The following AUTS2 variants were observed in gnomAD, a reference collection of about 807,000 sequenced individuals.
AUTS2 encodes activator of transcription and developmental regulator AUTS2.
A neutral mutation model predicts 112.4 loss-of-function variants in AUTS2; 17 were observed. That is an observed-to-expected ratio of 0.15 (90% CI 0.10 to 0.23). AUTS2 has a LOEUF of 0.23. AUTS2 is among the 10% of genes least tolerant of loss of function. The pLI, the probability that AUTS2 is intolerant of heterozygous loss-of-function variation, is 1.00. For synonymous variants in AUTS2, 751 were observed against 702.7 expected (o/e 1.07, Z -1.09); for missense variants, 1,510 against 1,701.6 (o/e 0.89, Z 1.98).
At chr7:70,677,441 C>T (rs1267591858) in intron 5 of AUTS2, among the ~76,000 whole-genome samples, 1 of 152,140 alleles carries the variant, frequency 6.6e-6, no homozygotes, top group African/African-American at 2.4e-5. Flanking sequence ...CTGATGTTAA[C>T]CAGTTCCCCA....
intron 5 of AUTS2, among the ~76,000 whole-genome samples, chr7:70,477,176 A>G (rs2116068288): frequency 6.6e-6 from 1 of 152,276 alleles, no homozygotes; most frequent in East Asian, 1.9e-4. Context: ...TGTGGAAAAC[A>G]TTCCTTTCAA....
chr7:69,686,833 T>G (rs1283518722), intron 1 of AUTS2, among the ~76,000 whole-genome samples: 1 of 152,208 alleles, frequency 6.6e-6, no homozygotes, highest in Non-Finnish European at 1.5e-5. Context: ...CTTAACCCAC[T>G]TAGGTGGGAC....
chr7:70,776,251 A>C (rs1056180155), intron 13 of AUTS2, among the ~76,000 whole-genome samples: 13 of 152,206 alleles, frequency 8.5e-5, no homozygotes, highest in Non-Finnish European at 1.8e-4. Flanking sequence ...TCATCTGTCC[A>C]GTAGTCACTG....
rs1791956894 is a variant in AUTS2, at chr7:70,791,473, A to G, written c.*477A>G. ...CTTTACTTTGTACAAATGTAAATAG[A>G]TAAAGTAACATAATACATTAATACT... On this transcript the variant is annotated 3_prime_UTR_variant, in exon 19 of 19. Transcript: ENST00000342771. 1 of 153,174 alleles carries G rather than the reference A, an allele frequency of 6.5e-6. No individual in the cohort carries two copies. Among genetic ancestry groups the G allele is most frequent in the African/African-American group, 2.5e-5 (1 of 40,550 alleles). The allele number at this position is 153,174 out of a possible 1,614,324, so 9.5% of individuals were successfully genotyped here. A position where few individuals can be genotyped will look rare whatever the true frequency, so the allele number is the denominator to read the frequency against.
chr7:69,656,780 G>T (rs1795561194), intron 1 of AUTS2, among the ~76,000 whole-genome samples: 1 of 152,194 alleles, frequency 6.6e-6, no homozygotes, highest in Non-Finnish European at 1.5e-5. Context: ...TGTGGCTTCT[G>T]TGGGCATATG....
At chr7:69,792,240 T>C (rs549472093) in intron 1 of AUTS2, among the ~76,000 whole-genome samples, 1 of 142,670 alleles carries the variant, frequency 7.0e-6, no homozygotes, top group African/African-American at 2.6e-5. Context: ...TTGTTTTTTT[T>C]TTGTTTTGTT....
At chr7:70,110,803 A>G (rs1200176683) in intron 2 of AUTS2, among the ~76,000 whole-genome samples, 1 of 151,072 alleles carries the variant, frequency 6.6e-6, no homozygotes, top group East Asian at 2.0e-4. Flanking sequence ...GTCTAATTGC[A>G]TTAGAGTGAC....
At chr7:69,683,552 G>A (rs1796910851) in intron 1 of AUTS2, among the ~76,000 whole-genome samples, 1 of 149,494 alleles carries the variant, frequency 6.7e-6, no homozygotes, top group Non-Finnish European at 1.5e-5. Context: ...CAGCCTGTGT[G>A]ACAGAGCAAA....
intron 4 of AUTS2, among the ~76,000 whole-genome samples, chr7:70,152,860 A>G (rs1807519987): frequency 6.6e-6 from 1 of 152,162 alleles, no homozygotes; most frequent in Admixed American, 6.6e-5. Flanking sequence ...ATGACTGACT[A>G]CAGCAAGTGT....
intron 1 of AUTS2, among the ~76,000 whole-genome samples, chr7:69,605,649 T>G (rs1308196886): frequency 3.3e-5 from 5 of 152,242 alleles, no homozygotes; most frequent in Non-Finnish European, 5.9e-5. Context: ...TTGCTGTATA[T>G]GAAGTGGTAG....
intron 5 of AUTS2, among the ~76,000 whole-genome samples, chr7:70,482,350 T>A (rs931979369): frequency 6.6e-6 from 1 of 152,024 alleles, no homozygotes; most frequent in African/African-American, 2.4e-5. Flanking sequence ...CATCACACTT[T>A]GAAAAGGTGG....
At chr7:70,184,995 ACT>A (rs1177736016) in intron 4 of AUTS2, among the ~76,000 whole-genome samples, 1 of 152,184 alleles carries the variant, frequency 6.6e-6, no homozygotes, top group East Asian at 1.9e-4. Flanking sequence ...CTTTTGAAAT[ACT>A]GTTTGATACT....
intron 5 of AUTS2, among the ~76,000 whole-genome samples, chr7:70,663,169 C>T (rs941051917): frequency 4.6e-5 from 7 of 152,200 alleles, no homozygotes; most frequent in African/African-American, 9.6e-5. Context: ...CCGAGGCAGG[C>T]GGATCACTTG....
chr7:70,284,661 A>G (rs1400181162), intron 4 of AUTS2, among the ~76,000 whole-genome samples: 1 of 152,230 alleles, frequency 6.6e-6, no homozygotes, highest in African/African-American at 2.4e-5. Context: ...AAAGGTCTTA[A>G]TGAACTTCCA....
chr7:69,693,250 G>A (rs1025329516), intron 1 of AUTS2, among the ~76,000 whole-genome samples: 3 of 152,162 alleles, frequency 2.0e-5, no homozygotes, highest in Non-Finnish European at 2.9e-5. Flanking sequence ...ATCTGTCAGC[G>A]CCTGGTGTAT....
intron 10 of AUTS2, 95 bp downstream of exon 10, chr7:70,768,163 A>G: frequency 8.1e-7 from 1 of 1,229,724 alleles, no homozygotes; most frequent in South Asian, 1.5e-5. Flanking sequence ...GCCTTCCTTA[A>G]TCATCTTTGC....
intron 5 of AUTS2, among the ~76,000 whole-genome samples, chr7:70,656,668 G>A (rs1367455825): frequency 6.6e-6 from 1 of 152,224 alleles, no homozygotes; most frequent in Admixed American, 6.5e-5. Flanking sequence ...AGTTGGCACT[G>A]GAGCCTGGGC....
At chr7:70,769,186 AGAAAAG>A (rs1790155502) in intron 10 of AUTS2, among the ~76,000 whole-genome samples, 1 of 152,192 alleles carries the variant, frequency 6.6e-6, no homozygotes, top group African/African-American at 2.4e-5. Context: ...AAAAGAAGTT[AGAAAAG>A]TGTATTTGAG....
rs111477184 is a variant in AUTS2, at chr7:69,648,884, T to G, written c.309+48922T>G. On this transcript the variant is annotated intron_variant, in intron 1 of 18. Transcript: ENST00000342771. ...CTGTTACATAAATGTAAATAAATTATGCAGCACCTGAATTTGGTTGTTCAT... is the reference window on the plus strand; with the variant it reads ...CTGTTACATAAATGTAAATAAATTAGGCAGCACCTGAATTTGGTTGTTCAT... Among the ~76,000 whole-genome samples the G allele has an allele frequency of 5.5e-3, 839 of 152,334 alleles. 8 individuals carry two copies. Among genetic ancestry groups the G allele is most frequent in the Middle Eastern group, 0.014 (4 of 294 alleles).
Sources: allele counts gnomAD v4.1 joint callset (sites outside exome capture counted in the v4.1 genomes callset), GRCh38; gene constraint gnomAD v4.1.1; transcripts MANE v1.5; gene names NCBI Gene and HGNC (gene_info 2026-07-23, HGNC 2026-07-21).